Variants in PKNOX2 observed in about 807,000 individuals in gnomAD.
PKNOX2 encodes the protein PBX/knotted 1 homeobox 2.
A neutral mutation model predicts 53.1 loss-of-function variants in PKNOX2; 14 were observed. The ratio of observed to expected loss-of-function variants is 0.26; its 90% CI spans 0.17 to 0.41. The LOEUF (loss-of-function observed/expected upper bound fraction) is 0.41. PKNOX2 is among the 10% of genes least tolerant of loss of function. The pLI, the probability that PKNOX2 is intolerant of heterozygous loss-of-function variation, is 1.00. For missense variants in PKNOX2, 496 were observed against 602.8 expected (o/e 0.82, Z 1.85); for synonymous variants, 257 against 242.8 (o/e 1.06, Z -0.54).
rs369032620 is a variant in PKNOX2 at position 125,406,518 on chromosome 11, G to A, written c.589-3678G>A. On this transcript the variant is annotated intron_variant, in intron 7 of 12. Transcript: ENST00000298282. ...ATCCCAACTGTACGACTCCCTAGTT[G>A]AGTGACCTTAGCCAAGGGAAGTGGG... Among the ~76,000 whole-genome samples the A allele has an allele frequency of 2.6e-5, 4 of 152,306 alleles. No individual in the cohort carries two copies. In the East Asian group the frequency reaches 7.7e-4, roughly 29 times the overall value.
At chr11:125,384,123 C>A (rs998105212) in intron 5 of PKNOX2, among the ~76,000 whole-genome samples, 2 of 152,150 alleles carry the variant, frequency 1.3e-5, no homozygotes, top group African/African-American at 4.8e-5. Context: ...AATAAAGGTG[C>A]TGTGGACTTA....
chr11:125,272,147 T>C (rs1461368189), intron 2 of PKNOX2, among the ~76,000 whole-genome samples: 1 of 152,190 alleles, frequency 6.6e-6, no homozygotes, highest in Non-Finnish European at 1.5e-5. Flanking sequence ...GAGGGAAGTG[T>C]TTCAAATGGG....
chr11:125,276,792 G>A (rs1304140709), intron 2 of PKNOX2, among the ~76,000 whole-genome samples: 1 of 152,160 alleles, frequency 6.6e-6, no homozygotes, highest in African/African-American at 2.4e-5. Context: ...GAGATTTGTG[G>A]TCATGTTTGA....
chr11:125,250,869 C>G (rs561046304), intron 2 of PKNOX2, among the ~76,000 whole-genome samples: 1 of 152,258 alleles, frequency 6.6e-6, no homozygotes, highest in African/African-American at 2.4e-5. Flanking sequence ...CACAGCTGCA[C>G]AACTGGAGAT....
At chr11:125,172,526 G>T (rs1477172509) in intron 1 of PKNOX2, among the ~76,000 whole-genome samples, 1 of 152,186 alleles carries the variant, frequency 6.6e-6, no homozygotes, top group Non-Finnish European at 1.5e-5. Context: ...GGGACTGGTA[G>T]TCTGAGCATG....
At chr11:125,169,187 G>A (rs1955102793) in intron 1 of PKNOX2, among the ~76,000 whole-genome samples, 2 of 152,210 alleles carry the variant, frequency 1.3e-5, no homozygotes, top group South Asian at 4.1e-4. Flanking sequence ...GGGTGAAAAC[G>A]ATGCTGCAGA....
chr11:125,250,309 T>C (rs1311011310), intron 2 of PKNOX2, among the ~76,000 whole-genome samples: 3 of 152,084 alleles, frequency 2.0e-5, no homozygotes, highest in South Asian at 2.1e-4. Flanking sequence ...ATTTTTGTAA[T>C]GTAAATTTTC....
At chr11:125,264,215 A>G (rs971638349) in intron 2 of PKNOX2, among the ~76,000 whole-genome samples, 2 of 152,094 alleles carry the variant, frequency 1.3e-5, no homozygotes, top group African/African-American at 4.8e-5. Context: ...CCCAGTGGAA[A>G]ATGGATTGTC....
Position 125,328,815 on chromosome 11 carries a change from G to T in PKNOX2, c.-129-3004G>T, listed in dbSNP as rs148324023. ...ACTTGCTGGCTGTTTTCTTAGGCAAGCCCTGTGCTTGACTTTCCTAAGCCT... is the reference window on the plus strand; with the variant it reads ...ACTTGCTGGCTGTTTTCTTAGGCAATCCCTGTGCTTGACTTTCCTAAGCCT... On this transcript the variant is annotated intron_variant, in intron 2 of 12. Coordinates refer to ENST00000298282, the MANE Select transcript of PKNOX2 (RefSeq NM_001382323.2). Among the ~76,000 whole-genome samples, 11 of 152,346 alleles carry T rather than the reference G, an allele frequency of 7.2e-5. No individual in the cohort carries two copies. The East Asian group carries it at 2.1e-3, about 29-fold the overall frequency.
intron 1 of PKNOX2, among the ~76,000 whole-genome samples, chr11:125,185,144 C>A (rs558132520): frequency 4.5e-4 from 68 of 152,388 alleles, no homozygotes; most frequent in Admixed American, 1.3e-3. Context: ...CCTGGCATTT[C>A]TTCCTTGTCC....
chr11:125,332,549 CG>C (rs1950202607), intron 3 of PKNOX2: 1 of 152,140 alleles, frequency 6.6e-6, no homozygotes, highest in Admixed American at 6.5e-5. Context: ...ATCCCACAGA[CG>C]TAAGTATCAA....
intron 2 of PKNOX2, among the ~76,000 whole-genome samples, chr11:125,305,892 C>T (rs1177735198): frequency 6.6e-6 from 1 of 152,162 alleles, no homozygotes; most frequent in African/African-American, 2.4e-5. Flanking sequence ...GAGATGAGAA[C>T]CAAAGATCGT....
In PKNOX2 at chr11:125,397,897, G is replaced by A; in HGVS notation, c.423G>A (p.Leu141=). ...DNLMVKAIQV[L]RIHLLELEKV... ...AGATGGTGAAGGCAATCCAGGTCCT[G>A]AGAATCCACCTGCTGGAGCTGGAGA... The change falls in exon 7 of 13, where the codon CTG becomes CTA. Residue 141 remains leucine, a synonymous_variant. Transcript: ENST00000298282. The A allele has an allele frequency of 6.2e-7, 1 of 1,612,910 alleles. No homozygotes were observed. Among genetic ancestry groups the A allele is most frequent in the Non-Finnish European group, 8.5e-7 (1 of 1,179,362 alleles).
intron 10 of PKNOX2, among the ~76,000 whole-genome samples, chr11:125,426,094 G>A (rs1047422373): frequency 1.3e-5 from 2 of 152,210 alleles, no homozygotes; most frequent in African/African-American, 2.4e-5. Flanking sequence ...ATGGGGGCCC[G>A]ACAACAGAAG....
Position 125,352,602 on chromosome 11 carries a change from G to GT in PKNOX2, c.87+1211dup, listed in dbSNP as rs2039351137. Among the ~76,000 whole-genome samples the GT allele has an allele frequency of 6.6e-6, 1 of 152,158 alleles. No individual in the cohort carries two copies. The highest frequency in any genetic ancestry group is 6.5e-5 in the Admixed American group (1 of 15,280). ...TGTAGTAGCTGCTTTATACATCATT[G>GT]TCATCCTCTGGGAGATTACCAGATG... On this transcript the variant is annotated intron_variant, in intron 4 of 12. Transcript: ENST00000298282. The surrounding 1 kb of genome is among the most constrained non-coding windows in gnomAD (Gnocchi z 4.1).
chr11:125,297,015 C>T (rs1162045201), intron 2 of PKNOX2, among the ~76,000 whole-genome samples: 1 of 152,128 alleles, frequency 6.6e-6, no homozygotes, highest in African/African-American at 2.4e-5. Context: ...AACCCAGTAC[C>T]TACAACAATG....
At chr11:125,406,917 TAAAAAAAAAAAAAAAAAAAAA>T (rs67687488) in intron 7 of PKNOX2, among the ~76,000 whole-genome samples, 1 of 41,716 alleles carries the variant, frequency 2.4e-5, no homozygotes, top group Non-Finnish European at 3.9e-5. Flanking sequence ...AATCTATGTC[TAAAAAAAAAAAAAAAAAAAAA>T]AAAAAAAAGC....
intron 2 of PKNOX2, among the ~76,000 whole-genome samples, chr11:125,285,455 A>G (rs1591512585): frequency 6.6e-6 from 1 of 152,346 alleles, no homozygotes; most frequent in Non-Finnish European, 1.5e-5. Flanking sequence ...ATCGGGCTAT[A>G]CATCATTTAA....
intron 2 of PKNOX2, among the ~76,000 whole-genome samples, chr11:125,318,782 G>T (rs1448098030): frequency 6.6e-6 from 1 of 152,170 alleles, no homozygotes; most frequent in African/African-American, 2.4e-5. Flanking sequence ...GGGACCTGGT[G>T]GAGGTGATTA....
Sources: gnomAD v4.1 joint callset for allele counts (sites outside exome capture counted in the v4.1 genomes callset) on GRCh38, gnomAD v4.1.1 for gene constraint, Gnocchi (gnomAD v3.1) non-coding constraint, MANE v1.5 for transcripts, NCBI Gene and HGNC (gene_info 2026-07-23, HGNC 2026-07-21) for gene names.